SRGAP2: variants seen among roughly 807,000 people sequenced by gnomAD.
SRGAP2 encodes SLIT-ROBO Rho GTPase activating protein 2.
SRGAP2 carries 15 observed loss-of-function variants against 57.2 expected under a neutral mutation model. The ratio of observed to expected loss-of-function variants is 0.26; its 90% CI spans 0.18 to 0.40. SRGAP2 has a LOEUF of 0.40. SRGAP2 is among the 10% of genes least tolerant of loss of function. The pLI is 1.00. For synonymous variants in SRGAP2, 249 were observed against 248.0 expected, an observed-to-expected ratio of 1.00 and a Z score of -0.04; for missense variants, 520 against 669.6, an observed-to-expected ratio of 0.78 and a Z score of 2.47.
intron 21 of SRGAP2, chr1:206,458,391 C>T: frequency 1.4e-6 from 1 of 694,396 alleles, no homozygotes; most frequent in South Asian, 1.5e-5. Context: ...CTTGACAACA[C>T]AAAGCCCGTG....
At chr1:206,262,801 T>G (rs1414523537) in intron 2 of SRGAP2, among the ~76,000 whole-genome samples, 1 of 140,876 alleles carries the variant, frequency 7.1e-6, no homozygotes, top group African/African-American at 2.7e-5. Flanking sequence ...AGTTGATTGC[T>G]TTTGTTCGCA....
chr1:206,341,575 G>A (rs1553335241), intron 3 of SRGAP2, among the ~76,000 whole-genome samples: 1 of 151,648 alleles, frequency 6.6e-6, no homozygotes, highest in Non-Finnish European at 1.5e-5. Context: ...AAATAGTACT[G>A]CAAATTATTC....
chr1:206,236,317 C>T (rs1271947013), intron 2 of SRGAP2, among the ~76,000 whole-genome samples: 4 of 152,136 alleles, frequency 2.6e-5, no homozygotes, highest in African/African-American at 4.8e-5. Flanking sequence ...GCGAATAAAC[C>T]GAAATGTATT....
intron 3 of SRGAP2, among the ~76,000 whole-genome samples, chr1:206,342,246 G>T (rs549903114): frequency 1.3e-5 from 2 of 152,202 alleles, no homozygotes; most frequent in South Asian, 4.2e-4. Context: ...TACATTTGTG[G>T]GGATTTTGTA....
chr1:206,365,355 T>G lies in SRGAP2; in HGVS notation c.424-18659T>G, dbSNP rs572068203. Among the ~76,000 whole-genome samples, 55 of 152,246 alleles carry G rather than the reference T, an allele frequency of 3.6e-4. 1 individual carries two copies. The East Asian group carries it at 7.1e-3, about 20-fold the overall frequency. On this transcript the variant is annotated intron_variant, in intron 4 of 22. Coordinates refer to ENST00000573034, the MANE Select transcript of SRGAP2 (RefSeq NM_015326.5). ...TACTGGGTTTCTGAAAATGCCCTTG[T>G]GGGTCATGAAACAATAGTCCTTTGA...
intron 17 of SRGAP2, among the ~76,000 whole-genome samples, chr1:206,440,918 G>A (rs1160609642): frequency 6.6e-6 from 1 of 152,200 alleles, no homozygotes; most frequent in African/African-American, 2.4e-5. Context: ...ACTGGAAAGG[G>A]TCATGAAGAG....
chr1:206,439,718 T>G (rs1353065722), intron 16 of SRGAP2, among the ~76,000 whole-genome samples: 7 of 152,218 alleles, frequency 4.6e-5, no homozygotes, highest in African/African-American at 1.7e-4. Flanking sequence ...GATTTGGATT[T>G]GGCACAGTTC....
intron 4 of SRGAP2, among the ~76,000 whole-genome samples, chr1:206,345,516 A>G (rs200526841): frequency 1.3e-3 from 143 of 113,132 alleles, no homozygotes; most frequent in East Asian, 6.2e-3. Context: ...GATTGAGCCA[A>G]GCACCATGGA....
chr1:206,363,189 G>A (rs1677035599), intron 4 of SRGAP2, among the ~76,000 whole-genome samples: 1 of 151,680 alleles, frequency 6.6e-6, no homozygotes, highest in African/African-American at 2.4e-5. Context: ...TCCCTTGTAG[G>A]GGAGTGGCAA....
chr1:206,415,837 TTTC>T (rs1346172471), intron 10 of SRGAP2, 49 bp from the exon 11 acceptor site: 49 of 740,824 alleles, frequency 6.6e-5, no homozygotes, highest in Non-Finnish European at 1.1e-4. Flanking sequence ...CTGTGATTTT[TTTC>T]TTCTTCTTCA....
intron 3 of SRGAP2, among the ~76,000 whole-genome samples, chr1:206,306,779 A>G (rs1376262595): frequency 1.1e-4 from 17 of 152,228 alleles, no homozygotes; most frequent in Admixed American, 2.6e-4. Flanking sequence ...GCAGCTAGAT[A>G]CAGAGTGTCG....
chr1:206,451,428 G>C (rs868945152), intron 19 of SRGAP2, among the ~76,000 whole-genome samples: 1 of 152,138 alleles, frequency 6.6e-6, no homozygotes, highest in South Asian at 2.1e-4. Context: ...CACCTCCTCT[G>C]GATCACATGG....
intron 11 of SRGAP2, among the ~76,000 whole-genome samples, chr1:206,418,201 C>A (rs1455843307): frequency 6.6e-5 from 10 of 151,890 alleles, no homozygotes. Flanking sequence ...TTGTTCTTGC[C>A]GTAGAGGGAT....
chr1:206,268,077 A>G (rs758292715), intron 2 of SRGAP2, among the ~76,000 whole-genome samples: 2 of 143,288 alleles, frequency 1.4e-5, no homozygotes, highest in Non-Finnish European at 3.0e-5. Context: ...GACTATATAT[A>G]TATATTTTTT....
chr1:206,461,159 G>T lies in SRGAP2; in HGVS notation c.2955G>T (p.Val985=), dbSNP rs187055077. 15 of 780,662 alleles carry T rather than the reference G, an allele frequency of 1.9e-5. No homozygotes were observed. In the African/African-American group the frequency reaches 2.2e-4, roughly 11 times the overall value. 48.4% of individuals were successfully genotyped at this position (780,662 alleles called of 1,614,324 possible). The stretch of plus-strand genomic sequence containing the variant: ...TGGAGCCCCTCAAAACCTCCCCAGT[G>T]GTGGCCCCCACGTCAGAGCCCTCCA... ...DTLEPLKTSP[V]VAPTSEPSSP... is the part of the protein sequence containing the mutation. Residue 985 remains valine, a synonymous_variant, in exon 23 of 23, where the codon GTG becomes GTT. Transcript: ENST00000573034.
rs1672264511 is a variant in SRGAP2, at chr1:206,307,114, G to A, written c.260+3641G>A. ...GCAGCTAGATACAGAGTGTCGATTG[G>A]TGCACTTACAAACCTTGAGCTAAAC... On this transcript the variant is annotated intron_variant, in intron 3 of 22. Transcript: ENST00000573034. 4.6e-5 allele frequency among the ~76,000 whole-genome samples: 7 copies of A among 151,912 alleles called. No homozygotes were observed. In the South Asian group the frequency reaches 1.5e-3, roughly 32 times the overall value.
chr1:206,375,388 C>G (rs1655104096), intron 4 of SRGAP2, among the ~76,000 whole-genome samples: 1 of 151,634 alleles, frequency 6.6e-6, no homozygotes, highest in African/African-American at 2.4e-5. Context: ...TCAGAATGAC[C>G]TCAAGAAATG....
intron 3 of SRGAP2, among the ~76,000 whole-genome samples, chr1:206,322,418 C>CA (rs797032091): frequency 2.4e-3 from 326 of 138,176 alleles, no homozygotes; most frequent in African/African-American, 5.7e-3. Context: ...CTAAAAAATA[C>CA]AAAAAAAAAA....
At chr1:206,240,808 C>T (rs1668175750) in intron 2 of SRGAP2, among the ~76,000 whole-genome samples, 1 of 152,170 alleles carries the variant, frequency 6.6e-6, no homozygotes, top group African/African-American at 2.4e-5. Context: ...CCTCTAAAGC[C>T]TATGCTTTTC....
Sources: allele counts gnomAD v4.1 joint callset (sites outside exome capture counted in the v4.1 genomes callset), GRCh38; gene constraint gnomAD v4.1.1; transcripts MANE v1.5; gene names NCBI Gene and HGNC (gene_info 2026-07-23, HGNC 2026-07-21).